Variants in IQCK observed in about 807,000 individuals in gnomAD.
IQCK encodes the protein IQ domain-containing protein K.
Under a neutral mutation model 28.1 loss-of-function variants are expected in IQCK, and 29 were observed. That is an observed-to-expected ratio of 1.03 (90% confidence interval 0.77 to 1.41). The LOEUF (loss-of-function observed/expected upper bound fraction) is 1.41, where lower values mean the gene tolerates loss of function less well. IQCK is among the 40% of genes most tolerant of loss of function. The pLI, the probability that IQCK is intolerant of heterozygous loss-of-function variation, is 0.00. For missense variants in IQCK, 359 were observed against 314.7 expected, an observed-to-expected ratio of 1.14 and a Z score of -1.07; for synonymous variants, 113 against 115.1, an observed-to-expected ratio of 0.98 and a Z score of 0.12.
intron 4 of IQCK, among the ~76,000 whole-genome samples, chr16:19,739,301 C>A (rs930399075): frequency 6.6e-6 from 1 of 152,202 alleles, no homozygotes; most frequent in Non-Finnish European, 1.5e-5. Context: ...TCCTGATGTG[C>A]TACTACAGTC....
At chr16:19,726,383 CTG>C (rs1302003290) in intron 1 of IQCK, among the ~76,000 whole-genome samples, 2 of 152,154 alleles carry the variant, frequency 1.3e-5, no homozygotes, top group East Asian at 3.8e-4. Context: ...GTACAAGTGA[CTG>C]TAAACTTTTT....
At chr16:19,818,864 G>A (rs559198846) in intron 7 of IQCK, among the ~76,000 whole-genome samples, 4 of 152,262 alleles carry the variant, frequency 2.6e-5, no homozygotes, top group African/African-American at 9.6e-5. Flanking sequence ...GGAAGAGGAA[G>A]TAATAGGAAC....
At chr16:19,840,631 T>C (rs1239543792) in intron 9 of IQCK, among the ~76,000 whole-genome samples, 7 of 152,244 alleles carry the variant, frequency 4.6e-5, no homozygotes. Context: ...AACTCAATTA[T>C]TCTTTACACC....
exon 2 of IQCK, chr16:19,730,483 C>G: frequency 6.2e-7 from 1 of 1,607,106 alleles, no homozygotes; most frequent in Non-Finnish European, 8.5e-7. Flanking sequence ...CAAACAGGAG[C>G]CTGTGATTAC....
At chr16:19,789,622 ACTCCGTCACCAAAAGATAATTATTG>A (rs1326026564) in intron 7 of IQCK, among the ~76,000 whole-genome samples, 1 of 54,300 alleles carries the variant, frequency 1.8e-5, no homozygotes, top group East Asian at 4.5e-4. Context: ...GTCACTGATA[ACTCCGTCACCAAAAGATAATTATTG>A]TTAACATTTT....
At chr16:19,740,821 T>C (rs965677105) in intron 4 of IQCK, among the ~76,000 whole-genome samples, 5 of 151,342 alleles carry the variant, frequency 3.3e-5, no homozygotes, top group African/African-American at 1.2e-4. Flanking sequence ...ATACAAAAAT[T>C]AGCCGGGCGT....
chr16:19,849,454 C>A (rs1432620785), intron 9 of IQCK, among the ~76,000 whole-genome samples: 1 of 149,794 alleles, frequency 6.7e-6, no homozygotes, highest in Non-Finnish European at 1.5e-5. Flanking sequence ...AAAAAGTAAA[C>A]TTTTTTTTTT....
chr16:19,736,348 A>C (rs917037540), intron 4 of IQCK, among the ~76,000 whole-genome samples: 1 of 151,908 alleles, frequency 6.6e-6, no homozygotes, highest in African/African-American at 2.4e-5. Flanking sequence ...CTGCAGCCTC[A>C]ACCTCCAGGG....
chr16:19,818,485 C>T (rs1006292620), intron 7 of IQCK, among the ~76,000 whole-genome samples: 1 of 152,166 alleles, frequency 6.6e-6, no homozygotes, highest in Non-Finnish European at 1.5e-5. Context: ...CTCCGCCTCC[C>T]AGGTTCAAGT....
intron 4 of IQCK, among the ~76,000 whole-genome samples, chr16:19,749,359 A>G (rs1373035315): frequency 6.6e-6 from 1 of 152,188 alleles, no homozygotes; most frequent in African/African-American, 2.4e-5. Flanking sequence ...ATTTCACTGG[A>G]ACACAGCTAT....
intron 9 of IQCK, among the ~76,000 whole-genome samples, chr16:19,849,261 G>GTTTT (rs71146276): frequency 7.0e-6 from 1 of 142,150 alleles, no homozygotes; most frequent in Non-Finnish European, 1.5e-5. Flanking sequence ...CTATGTTCAG[G>GTTTT]TTTTTTTTTT....
intron 7 of IQCK, among the ~76,000 whole-genome samples, chr16:19,792,728 C>T (rs1417903237): frequency 8.9e-6 from 1 of 111,826 alleles, no homozygotes; most frequent in Non-Finnish European, 1.6e-5. Flanking sequence ...CCTGCCACCA[C>T]ACCCAGCTAA....
chr16:19,735,727 G>A, intron 4 of IQCK: 1 of 421,874 alleles, frequency 2.4e-6, no homozygotes, highest in Non-Finnish European at 4.4e-6. Context: ...CATCCACCAG[G>A]TTTCTTGGGT....
At chr16:19,842,902 T>C (rs11074415) in intron 9 of IQCK, among the ~76,000 whole-genome samples, 149,534 of 152,288 alleles carry the variant, frequency 0.98, 73,418 homozygotes, top group East Asian at 1. Flanking sequence ...AGCTTGTGAA[T>C]CTCAGATGAG....
At chr16:19,846,038 C>G (rs1337749135) in intron 9 of IQCK, among the ~76,000 whole-genome samples, 1 of 152,172 alleles carries the variant, frequency 6.6e-6, no homozygotes, top group Non-Finnish European at 1.5e-5. Context: ...GATCACATCA[C>G]TGCACTCCAG....
intron 2 of IQCK, among the ~76,000 whole-genome samples, chr16:19,731,507 A>T (rs907826693): frequency 6.6e-6 from 1 of 152,056 alleles, no homozygotes; most frequent in Non-Finnish European, 1.5e-5. Context: ...TCTTTCTCAA[A>T]TTTCTCTGCA....
chr16:19,739,854 G>A (rs979350786), intron 4 of IQCK, among the ~76,000 whole-genome samples: 30 of 151,652 alleles, frequency 2.0e-4, no homozygotes, highest in African/African-American at 7.0e-4. Flanking sequence ...TTTATTGCCC[G>A]TTGTGCGTCA....
chr16:19,841,237 G>A (rs1293894704), intron 9 of IQCK, among the ~76,000 whole-genome samples: 4 of 152,108 alleles, frequency 2.6e-5, no homozygotes, highest in South Asian at 2.1e-4. Flanking sequence ...TGGTGGCTAC[G>A]AAACCTTTTC....
intron 4 of IQCK, among the ~76,000 whole-genome samples, chr16:19,750,711 C>T (rs564290363): frequency 1.3e-5 from 2 of 152,176 alleles, no homozygotes; most frequent in African/African-American, 4.8e-5. Flanking sequence ...ATCCATCCAA[C>T]TTGGCCTCCC....
Sources: gnomAD v4.1 joint callset for allele counts (sites outside exome capture counted in the v4.1 genomes callset) on GRCh38, gnomAD v4.1.1 for gene constraint, MANE v1.5 for transcripts, NCBI Gene and HGNC (gene_info 2026-07-23, HGNC 2026-07-21) for gene names.